The following WASHC3 variants were observed in gnomAD, a reference collection of about 807,000 sequenced individuals.
The protein encoded by WASHC3 is WASH complex subunit 3, also known as WASH complex subunit CCDC53.
In WASHC3, 24 loss-of-function variants were observed where a neutral mutation model predicts 26.1. That is an observed-to-expected ratio of 0.92 (90% CI 0.66 to 1.29). WASHC3 has a LOEUF of 1.29. WASHC3 is among the 50% of genes most tolerant of loss of function. The probability of loss-of-function intolerance (pLI) is 0.00; values close to 1 mark genes in which losing one functional copy is unlikely to be tolerated. For missense variants in WASHC3, 214 were observed against 229.6 expected (o/e 0.93, Z 0.44); for synonymous variants, 77 against 75.7 (o/e 1.02, Z -0.09).
chr12:102,042,293 A>G (rs1360727420), intron 4 of WASHC3, among the ~76,000 whole-genome samples: 2 of 152,178 alleles, frequency 1.3e-5, no homozygotes, highest in South Asian at 4.1e-4. Flanking sequence ...AATGGATGTT[A>G]AATTTTATAA....
intron 6 of WASHC3, among the ~76,000 whole-genome samples, chr12:102,020,427 T>C (rs1876903018): frequency 6.6e-6 from 1 of 152,158 alleles, no homozygotes; most frequent in Admixed American, 6.5e-5. Flanking sequence ...GTTTCTGCCA[T>C]CCTAAATATG....
rs142421636 is a variant in WASHC3 at position 102,012,873 on chromosome 12, C to A, written c.*235G>T. The A allele has an allele frequency of 5.7e-6, 2 of 353,120 alleles. No individual in the cohort carries two copies. Among genetic ancestry groups the A allele is most frequent in the Admixed American group, 9.2e-5 (2 of 21,702 alleles). The allele number at this position is 353,120 out of a possible 1,614,324, so 21.9% of individuals were successfully genotyped here. ...ATATTCTATCTTAGTATTTGTAGCA[C>A]TAATTGTACTTTATTTAGGTTATCC... On this transcript the variant is annotated 3_prime_UTR_variant, in exon 7 of 7. Transcript: ENST00000240079.
At chr12:102,034,607 G>A (rs538917112) in intron 5 of WASHC3, among the ~76,000 whole-genome samples, 31 of 152,202 alleles carry the variant, frequency 2.0e-4, no homozygotes, top group African/African-American at 6.0e-4. Flanking sequence ...ATACCCACAG[G>A]TATGTTCAAG....
chr12:102,044,054 CA>C, intron 4 of WASHC3, 50 bp downstream of exon 4: 1 of 876,040 alleles, frequency 1.1e-6, no homozygotes, highest in South Asian at 1.6e-5. Context: ...TGCTGCTTAA[CA>C]CTATCAGTTT....
chr12:102,050,053 G>T (rs1878324720), intron 2 of WASHC3: 1 of 171,264 alleles, frequency 5.8e-6, no homozygotes, highest in South Asian at 1.1e-4. Flanking sequence ...TTTGGCTGAG[G>T]GTGCTTGTAA....
At chr12:102,037,190 G>A (rs1363757805) in intron 5 of WASHC3, among the ~76,000 whole-genome samples, 1 of 152,080 alleles carries the variant, frequency 6.6e-6, no homozygotes, top group Non-Finnish European at 1.5e-5. Context: ...CTATCAAAAG[G>A]TGAAATAGTA....
At chr12:102,043,962 T>C (rs1311220330) in intron 4 of WASHC3, 143 bp downstream of exon 4, 1 of 448,824 alleles carries the variant, frequency 2.2e-6, no homozygotes, top group Non-Finnish European at 4.0e-6. Flanking sequence ...TAATTTGTTT[T>C]TCCCAAACTT....
At chr12:102,050,598 A>C (rs1445917501) in intron 2 of WASHC3, 3 of 454,316 alleles carry the variant, frequency 6.6e-6, no homozygotes, top group Non-Finnish European at 1.3e-5. Flanking sequence ...AGCTGTGATC[A>C]CGCCACTGCA....
At chr12:102,019,779 T>C (rs972241957) in intron 6 of WASHC3, among the ~76,000 whole-genome samples, 6 of 152,226 alleles carry the variant, frequency 3.9e-5, no homozygotes, top group African/African-American at 1.4e-4. Flanking sequence ...CTTAAAAATA[T>C]ATATCTTTTC....
intron 4 of WASHC3, among the ~76,000 whole-genome samples, chr12:102,041,271 A>G (rs1877927705): frequency 6.6e-6 from 1 of 152,014 alleles, no homozygotes; most frequent in Non-Finnish European, 1.5e-5. Flanking sequence ...GGTGCAAATG[A>G]ACTACATCCT....
chr12:102,037,859 G>A (rs1877738210), intron 5 of WASHC3, among the ~76,000 whole-genome samples: 1 of 151,782 alleles, frequency 6.6e-6, no homozygotes, highest in South Asian at 2.1e-4. Context: ...TACAATGCGT[G>A]ATCTTGGCTC....
intron 2 of WASHC3, chr12:102,050,597 C>A: frequency 2.2e-6 from 1 of 454,010 alleles, no homozygotes; most frequent in Non-Finnish European, 4.4e-6. Context: ...GAGCTGTGAT[C>A]ACGCCACTGC....
At chr12:102,053,107 A>G (rs1878457636) in intron 2 of WASHC3, among the ~76,000 whole-genome samples, 1 of 151,596 alleles carries the variant, frequency 6.6e-6, no homozygotes, top group Non-Finnish European at 1.5e-5. Context: ...CAGGCTAGTC[A>G]CAGTACAACC....
chr12:102,060,991 C>T (rs1458763025), intron 2 of WASHC3, among the ~76,000 whole-genome samples: 3 of 146,554 alleles, frequency 2.0e-5, no homozygotes, highest in Non-Finnish European at 4.5e-5. Flanking sequence ...AATTAGATTT[C>T]CTATTGTTCC....
intron 5 of WASHC3, among the ~76,000 whole-genome samples, chr12:102,032,045 A>T (rs1877461437): frequency 6.6e-6 from 1 of 152,194 alleles, no homozygotes; most frequent in South Asian, 2.1e-4. Flanking sequence ...TCATCTAAAG[A>T]ACATGCTACT....
intron 2 of WASHC3, among the ~76,000 whole-genome samples, chr12:102,060,607 G>A (rs1878763940): frequency 6.6e-6 from 1 of 152,168 alleles, no homozygotes; most frequent in Admixed American, 6.5e-5. Context: ...AAACAATGTG[G>A]TTTTGGGGTA....
chr12:102,052,670 T>C (rs983643260), intron 2 of WASHC3, among the ~76,000 whole-genome samples: 3 of 151,920 alleles, frequency 2.0e-5, no homozygotes, highest in African/African-American at 7.3e-5. Flanking sequence ...GTTCCAGGCC[T>C]GACCAGTGCC....
intron 5 of WASHC3, among the ~76,000 whole-genome samples, chr12:102,029,703 T>G (rs1352844075): frequency 6.6e-6 from 1 of 151,512 alleles, no homozygotes; most frequent in Non-Finnish European, 1.5e-5. Context: ...CTCCTTATAT[T>G]TTAGAGTTTT....
intron 2 of WASHC3, chr12:102,050,576 G>A (rs964008538): frequency 2.0e-5 from 9 of 453,908 alleles, no homozygotes; most frequent in Non-Finnish European, 3.1e-5. Flanking sequence ...CCAGGAAGTT[G>A]AGGTTGCCCT....
Sources: allele counts gnomAD v4.1 joint callset (sites outside exome capture counted in the v4.1 genomes callset), GRCh38; gene constraint gnomAD v4.1.1; transcripts MANE v1.5; gene names NCBI Gene and HGNC (gene_info 2026-07-23, HGNC 2026-07-21).